The following CACNA2D1 variants were observed in gnomAD, a reference collection of about 807,000 sequenced individuals.
The protein encoded by CACNA2D1 is calcium voltage-gated channel auxiliary subunit alpha2delta 1.
A neutral mutation model predicts 171.5 loss-of-function variants in CACNA2D1; 53 were observed. That is an observed-to-expected ratio of 0.31 (90% CI 0.25 to 0.39). The LOEUF is 0.39. Among genes scored for constraint, CACNA2D1 ranks in the 10% least tolerant of loss-of-function variants. CACNA2D1 has a pLI of 1.00. For synonymous variants in CACNA2D1, 442 were observed against 443.1 expected (o/e 1.00, Z 0.03); for missense variants, 903 against 1,299.8 (o/e 0.69, Z 4.69).
At chr7:82,138,489 C>T (rs1268125735) in intron 4 of CACNA2D1, among the ~76,000 whole-genome samples, 1 of 140,688 alleles carries the variant, frequency 7.1e-6, no homozygotes, top group Non-Finnish European at 1.5e-5. Context: ...CTGTGTCGCC[C>T]AGGCTGGAGT....
At chr7:82,229,101 T>C (rs1200698593) in intron 3 of CACNA2D1, among the ~76,000 whole-genome samples, 1 of 152,174 alleles carries the variant, frequency 6.6e-6, no homozygotes, top group African/African-American at 2.4e-5. Flanking sequence ...TTAAACAAGC[T>C]TTGCCCTCCA....
intron 10 of CACNA2D1, among the ~76,000 whole-genome samples, chr7:82,060,196 ATATAT>A (rs1318645534): frequency 2.8e-4 from 3 of 10,908 alleles, no homozygotes; most frequent in African/African-American, 5.1e-4. Context: ...TATATTATAT[ATATAT>A]TATATATATA....
intron 7 of CACNA2D1, among the ~76,000 whole-genome samples, chr7:82,082,117 TCAG>T (rs1464879015): frequency 6.6e-6 from 1 of 152,190 alleles, no homozygotes; most frequent in East Asian, 1.9e-4. Context: ...AACAACTCTG[TCAG>T]TCCCTTGCTC....
chr7:81,965,172 T>C (rs1302250615), intron 32 of CACNA2D1, among the ~76,000 whole-genome samples: 1 of 151,934 alleles, frequency 6.6e-6, no homozygotes, highest in Non-Finnish European at 1.5e-5. Context: ...GATTCAGAAG[T>C]GAAATTAGTT....
intron 3 of CACNA2D1, among the ~76,000 whole-genome samples, chr7:82,275,070 C>T (rs1462893281): frequency 6.6e-6 from 1 of 152,084 alleles, no homozygotes; most frequent in Non-Finnish European, 1.5e-5. Flanking sequence ...AAGCACTAAG[C>T]AAATTTGATA....
chr7:82,199,431 G>A (rs530572013), intron 3 of CACNA2D1, among the ~76,000 whole-genome samples: 9 of 152,084 alleles, frequency 5.9e-5, no homozygotes, highest in East Asian at 1.9e-4. Context: ...TCCAAAACAC[G>A]TAAAAAATGT....
chr7:82,198,599 T>C (rs1275879375), intron 3 of CACNA2D1, among the ~76,000 whole-genome samples: 1 of 152,046 alleles, frequency 6.6e-6, no homozygotes, highest in East Asian at 1.9e-4. Context: ...CTATCTAACT[T>C]GGTTTAAGAA....
chr7:81,992,779 T>C (rs1797682375), intron 20 of CACNA2D1, among the ~76,000 whole-genome samples: 2 of 152,206 alleles, frequency 1.3e-5, no homozygotes, highest in South Asian at 4.1e-4. Context: ...TTTTGAAGTT[T>C]GAAAGTATTC....
intron 4 of CACNA2D1, among the ~76,000 whole-genome samples, chr7:82,140,815 C>T (rs1188164948): frequency 1.3e-5 from 2 of 151,590 alleles, no homozygotes; most frequent in South Asian, 4.2e-4. Context: ...ATTGGCAGGG[C>T]GTGGTGGCGG....
chr7:82,240,302 C>G (rs143359439), intron 3 of CACNA2D1, among the ~76,000 whole-genome samples: 9 of 152,252 alleles, frequency 5.9e-5, no homozygotes, highest in African/African-American at 2.2e-4. Flanking sequence ...TAATATCTCT[C>G]AAACAAAGGA....
chr7:81,968,598 C>T (rs1794947214), intron 29 of CACNA2D1, among the ~76,000 whole-genome samples: 1 of 151,094 alleles, frequency 6.6e-6, no homozygotes. Context: ...GTTGCTAATC[C>T]AACATTAAAA....
intron 16 of CACNA2D1, among the ~76,000 whole-genome samples, 195 bp downstream of exon 16, chr7:82,007,484 T>C (rs1309628501): frequency 6.6e-6 from 1 of 152,158 alleles, no homozygotes; most frequent in Non-Finnish European, 1.5e-5. Context: ...ATCTTGGCTC[T>C]AGGGCAACAG....
intron 3 of CACNA2D1, among the ~76,000 whole-genome samples, chr7:82,181,087 A>T: frequency 1.5e-5 from 1 of 67,058 alleles, no homozygotes; most frequent in African/African-American, 5.0e-5. Context: ...TGCGTCAGTG[A>T]GATGAGAAAC....
At chr7:82,312,125 T>C (rs550116508) in intron 3 of CACNA2D1, among the ~76,000 whole-genome samples, 2 of 152,350 alleles carry the variant, frequency 1.3e-5, no homozygotes, top group African/African-American at 4.8e-5. Context: ...ATCATTATCC[T>C]TGTTGCACTT....
chr7:81,957,461 A>C (rs1272569118), intron 38 of CACNA2D1, among the ~76,000 whole-genome samples: 1 of 152,128 alleles, frequency 6.6e-6, no homozygotes, highest in Non-Finnish European at 1.5e-5. Context: ...GTGACTGACC[A>C]TCCACACCAC....
chr7:82,244,950 G>T (rs567382134), intron 3 of CACNA2D1, among the ~76,000 whole-genome samples: 41 of 152,194 alleles, frequency 2.7e-4, no homozygotes, highest in African/African-American at 9.9e-4. Context: ...ATTTTAAAAT[G>T]CATAATTTTA....
At chr7:82,192,254 T>G (rs1798371330) in intron 3 of CACNA2D1, among the ~76,000 whole-genome samples, 1 of 151,648 alleles carries the variant, frequency 6.6e-6, no homozygotes, top group African/African-American at 2.4e-5. Flanking sequence ...GGATATGACA[T>G]AAAATCACTT....
intron 5 of CACNA2D1, among the ~76,000 whole-genome samples, chr7:82,122,703 T>G (rs1789879242): frequency 1.3e-5 from 2 of 152,188 alleles, no homozygotes; most frequent in Non-Finnish European, 2.9e-5. Context: ...TCAAGGATTG[T>G]AAAAGGCACT....
At chr7:82,095,304 A>G (rs1184395291) in intron 6 of CACNA2D1, among the ~76,000 whole-genome samples, 2 of 150,968 alleles carry the variant, frequency 1.3e-5, no homozygotes, top group Non-Finnish European at 3.0e-5. Context: ...CAGAGTATCA[A>G]CTCCCTCCCC....
Sources: gnomAD v4.1 joint callset for allele counts (sites outside exome capture counted in the v4.1 genomes callset) on GRCh38, gnomAD v4.1.1 for gene constraint, MANE v1.5 for transcripts, NCBI Gene and HGNC (gene_info 2026-07-23, HGNC 2026-07-21) for gene names.